The following FBXW11 variants were observed in gnomAD, a reference collection of about 807,000 sequenced individuals.
FBXW11 encodes the protein F-box and WD repeat domain containing 11, also known as F-box/WD repeat-containing protein 11.
A neutral mutation model predicts 77.6 loss-of-function variants in FBXW11; 19 were observed. The observed-to-expected ratio is 0.24, with a 90% CI of 0.17 to 0.36. The LOEUF is 0.36. Among genes scored for constraint, FBXW11 ranks in the 10% least tolerant of loss-of-function variants. The pLI, the probability that FBXW11 is intolerant of heterozygous loss-of-function variation, is 1.00. For missense variants in FBXW11, 334 were observed against 704.2 expected, an observed-to-expected ratio of 0.47 and a Z score of 5.95; for synonymous variants, 235 against 249.4, an observed-to-expected ratio of 0.94 and a Z score of 0.54.
intron 2 of FBXW11, among the ~76,000 whole-genome samples, chr5:171,934,127 G>C (rs556568227): frequency 6.6e-6 from 1 of 152,108 alleles, no homozygotes; most frequent in Non-Finnish European, 1.5e-5. Flanking sequence ...GTGCGTAAGC[G>C]CATACTGTTT....
At chr5:171,960,043 A>C (rs1763822913) in intron 1 of FBXW11, among the ~76,000 whole-genome samples, 1 of 122,370 alleles carries the variant, frequency 8.2e-6, no homozygotes. Context: ...TACTTACATC[A>C]GCATACATCA....
chr5:171,978,830 C>T (rs941666501), intron 1 of FBXW11, among the ~76,000 whole-genome samples: 2 of 152,186 alleles, frequency 1.3e-5, no homozygotes, highest in Admixed American at 6.5e-5. Flanking sequence ...AATTTTAACA[C>T]TTCTCTTTCT....
chr5:171,869,708 C>T lies in FBXW11; in HGVS notation c.1530+21G>A, dbSNP rs1312949193. The T allele has an allele frequency of 6.3e-7, 1 of 1,587,718 alleles. No individual in the cohort carries two copies. Among genetic ancestry groups the T allele is most frequent in the Non-Finnish European group, 8.6e-7 (1 of 1,164,132 alleles). On this transcript the variant is annotated intron_variant, in intron 12 of 13. Coordinates refer to ENST00000517395, the MANE Select transcript of FBXW11 (RefSeq NM_001378974.1). The surrounding 1 kb of genome is among the most constrained non-coding windows in gnomAD (Gnocchi z 4.1). ...ATCCTCCAGCACAGGGAACCAATTCCCGTCTCAAGAGATCACATACCACCA... is the reference window on the plus strand; with the variant it reads ...ATCCTCCAGCACAGGGAACCAATTCTCGTCTCAAGAGATCACATACCACCA...
intron 7 of FBXW11, among the ~76,000 whole-genome samples, chr5:171,890,509 C>T (rs974181162): frequency 6.8e-6 from 1 of 147,168 alleles, no homozygotes; most frequent in Admixed American, 6.8e-5. Flanking sequence ...AAAAAACTCT[C>T]ATCACTGTAG....
chr5:171,915,731 T>C (rs1761188112), intron 2 of FBXW11, among the ~76,000 whole-genome samples: 2 of 151,604 alleles, frequency 1.3e-5, no homozygotes, highest in South Asian at 4.2e-4. Context: ...CCCTACACAA[T>C]GCTTAGTGCA....
chr5:171,976,160 T>G (rs1052241620), intron 1 of FBXW11, among the ~76,000 whole-genome samples: 2 of 152,140 alleles, frequency 1.3e-5, no homozygotes, highest in African/African-American at 4.8e-5. Context: ...GAGATAAAAC[T>G]ATCTGGACGA....
chr5:171,979,707 C>T (rs1050157869), intron 1 of FBXW11, among the ~76,000 whole-genome samples: 1 of 152,158 alleles, frequency 6.6e-6, no homozygotes, highest in African/African-American at 2.4e-5. Context: ...TGTTTGAAAG[C>T]CTTGTTCCCT....
rs1316519623 is a variant in FBXW11 at position 171,878,091 on chromosome 5, T to C, written c.891A>G (p.Leu297=). 6.2e-7 allele frequency: 1 copy of C among 1,613,940 alleles called. No individual in the cohort carries two copies. The highest frequency in any genetic ancestry group is 8.5e-7 in the Non-Finnish European group (1 of 1,179,950). ...AGAGGACAGAGCCTGTGTGTCCTGT[T>C]AACACTTTCAAACATTCCAGGCTGG... ...DKTSLECLKV[L]TGHTGSVLCL... The change falls in exon 8 of 14, where the codon TTA becomes TTG. Residue 297 remains leucine, a synonymous_variant. Coordinates refer to ENST00000517395, the MANE Select transcript of FBXW11 (RefSeq NM_001378974.1).
At chr5:171,909,685 ATGTGTGTGTG>A (rs111850090) in intron 4 of FBXW11, among the ~76,000 whole-genome samples, 1 of 149,966 alleles carries the variant, frequency 6.7e-6, no homozygotes, top group Non-Finnish European at 1.5e-5. Context: ...ATTTAACCAG[ATGTGTGTGTG>A]TGTGTGTGTG....
chr5:171,864,903 C>T (rs1757289668), intron 13 of FBXW11, among the ~76,000 whole-genome samples: 1 of 150,924 alleles, frequency 6.6e-6, no homozygotes, highest in African/African-American at 2.4e-5. Context: ...CACTCAGATA[C>T]TGTCACAATA....
At chr5:171,932,907 C>T (rs1030333631) in intron 2 of FBXW11, among the ~76,000 whole-genome samples, 11 of 144,318 alleles carry the variant, frequency 7.6e-5, no homozygotes, top group Non-Finnish European at 1.5e-4. Flanking sequence ...CTCTCCAGCC[C>T]AGGACTTGAG....
At chr5:171,875,122 G>A (rs946431621) in intron 9 of FBXW11, among the ~76,000 whole-genome samples, 2 of 152,108 alleles carry the variant, frequency 1.3e-5, no homozygotes, top group African/African-American at 2.4e-5. Flanking sequence ...GCCACTGGAA[G>A]CAACAAAGTA....
intron 2 of FBXW11, among the ~76,000 whole-genome samples, chr5:171,941,015 GGT>G (rs1478512916): frequency 2.0e-5 from 3 of 151,946 alleles, no homozygotes; most frequent in African/African-American, 7.3e-5. Flanking sequence ...GGAAAATATA[GGT>G]GTATACTGAT....
chr5:171,884,362 T>G (rs1446407644), intron 7 of FBXW11, among the ~76,000 whole-genome samples: 2 of 152,214 alleles, frequency 1.3e-5, no homozygotes, highest in African/African-American at 4.8e-5. Context: ...GTATTTGGGT[T>G]TATTTCTGGG....
chr5:171,863,691 G>T lies in FBXW11; in HGVS notation c.*436C>A, dbSNP rs1417043859. 3 of 152,598 alleles carry T rather than the reference G, an allele frequency of 2.0e-5. No individual in the cohort carries two copies. The highest frequency in any genetic ancestry group is 4.4e-5 in the Non-Finnish European group (3 of 68,040). The allele number at this position is 152,598 out of a possible 1,614,324, so 9.5% of individuals were successfully genotyped here. On this transcript the variant is annotated 3_prime_UTR_variant, in exon 14 of 14. Coordinates refer to ENST00000517395, the MANE Select transcript of FBXW11 (RefSeq NM_001378974.1). ...GAAAATGAAAGCCCTGGACATTCTGGGTAGGTGTTTGGCACCCAAAATTTC... is the reference window on the plus strand; with the variant it reads ...GAAAATGAAAGCCCTGGACATTCTGTGTAGGTGTTTGGCACCCAAAATTTC...
At chr5:171,895,858 A>G (rs1237158221) in intron 6 of FBXW11, among the ~76,000 whole-genome samples, 2 of 152,248 alleles carry the variant, frequency 1.3e-5, no homozygotes, top group Non-Finnish European at 2.9e-5. Flanking sequence ...ACAGCAAAGG[A>G]GAATATGGCT....
At position 171,917,411 on chromosome 5, in the gene FBXW11, A is replaced by G. The variant is rs866104882; in HGVS notation, c.148-3006T>C. Among the ~76,000 whole-genome samples the G allele has an allele frequency of 1.1e-4, 16 of 152,328 alleles. No homozygotes were observed. In the East Asian group the frequency reaches 1.5e-3, roughly 15 times the overall value. ...GAAAATTTCACTCTTCATTTATTCC[A>G]AAACAGAGAAATGATGTTTACTTAT... On this transcript the variant is annotated intron_variant, in intron 2 of 13. Transcript: ENST00000517395.
intron 1 of FBXW11, chr5:172,003,061 T>C (rs1250965576): frequency 1.3e-5 from 2 of 152,160 alleles, no homozygotes; most frequent in Non-Finnish European, 2.9e-5. Flanking sequence ...TACAGCCACT[T>C]AAGAGATAAG....
intron 1 of FBXW11, among the ~76,000 whole-genome samples, chr5:171,960,630 G>A (rs72835279): frequency 0.035 from 5,282 of 152,252 alleles, 167 homozygotes; most frequent in Non-Finnish European, 0.049. Context: ...CACAGATTGT[G>A]AGAACAGGAA....
Sources: allele counts gnomAD v4.1 joint callset (sites outside exome capture counted in the v4.1 genomes callset), GRCh38; gene constraint gnomAD v4.1.1; non-coding constraint Gnocchi (gnomAD v3.1); transcripts MANE v1.5; gene names NCBI Gene and HGNC (gene_info 2026-07-23, HGNC 2026-07-21).